Variants in TMCO4 observed in about 807,000 individuals in gnomAD.
TMCO4 encodes transmembrane and coiled-coil domains 4, also known as transmembrane and coiled-coil domain-containing protein 4.
Under a neutral mutation model 64.7 loss-of-function variants are expected in TMCO4, and 58 were observed. The ratio of observed to expected loss-of-function variants is 0.90; its 90% CI spans 0.73 to 1.12. The LOEUF (loss-of-function observed/expected upper bound fraction) is 1.12. Ranked by LOEUF, TMCO4 falls within the 50% of genes most tolerant of loss-of-function variation. The pLI is 0.00. For synonymous variants in TMCO4, 325 were observed against 346.1 expected, an observed-to-expected ratio of 0.94 and a Z score of 0.68; for missense variants, 780 against 825.9, an observed-to-expected ratio of 0.94 and a Z score of 0.68.
intron 15 of TMCO4, among the ~76,000 whole-genome samples, chr1:19,693,264 C>T (rs912784661): frequency 1.3e-5 from 2 of 149,436 alleles, no homozygotes; most frequent in East Asian, 2.0e-4. Context: ...AGGCAGATCA[C>T]CTGAGGTCAG....
intron 7 of TMCO4, among the ~76,000 whole-genome samples, chr1:19,750,641 C>T (rs1415055554): frequency 6.6e-6 from 1 of 152,172 alleles, no homozygotes; most frequent in African/African-American, 2.4e-5. Context: ...GACACTTACG[C>T]CCTCTGTGTC....
In TMCO4 at chr1:19,746,575, G is replaced by A; in HGVS notation, c.638C>T (p.Pro213Leu). The change falls in exon 9 of 16, where the codon CCC becomes CTC. Residue 213 changes from proline to leucine, a missense_variant. Pro to Leu is a moderately conservative substitution (Grantham distance 98). Transcript: ENST00000294543. Reference protein sequence around the residue: ...VIGVTGGLAAPLVAAGAATII... With the variant: ...VIGVTGGLAALLVAAGAATII... ...CGTCGCTGCTCCAGCGGCAACAAGG[G>A]GTGCAGCTAGACCTCCAGTCACACC... The A allele has an allele frequency of 1.2e-6, 2 of 1,610,874 alleles. No individual in the cohort carries two copies. The highest frequency in any genetic ancestry group is 1.7e-6 in the Non-Finnish European group (2 of 1,178,448).
intron 13 of TMCO4, among the ~76,000 whole-genome samples, chr1:19,730,209 T>G (rs2095424777): frequency 6.6e-6 from 1 of 152,216 alleles, no homozygotes; most frequent in Non-Finnish European, 1.5e-5. Context: ...TACTTATGGG[T>G]GAAGGTGCTT....
At position 19,700,853 on chromosome 1, in the gene TMCO4, G is replaced by C; in HGVS notation, c.1297C>G (p.Leu433Val). The C allele has an allele frequency of 6.2e-7, 1 of 1,614,232 alleles. No individual in the cohort carries two copies. Among genetic ancestry groups the C allele is most frequent in the Non-Finnish European group, 8.5e-7 (1 of 1,180,036 alleles). Residue 433 changes from leucine to valine, a missense_variant, in exon 14 of 16, where the codon CTG (leucine) becomes GTG (valine). Physicochemically the swap from Leu to Val is conservative, Grantham distance 32 (BLOSUM62 1). Transcript: ENST00000294543. ...CQGIIEDVIL[L>V]GAPVEGEAKH... Reference sequence around the variant, plus strand: ...GCTTCTCCCTCCACAGGCGCACCCAGCAGGATGACGTCCTCGATGATTCCT... The same window carrying C: ...GCTTCTCCCTCCACAGGCGCACCCACCAGGATGACGTCCTCGATGATTCCT...
intron 7 of TMCO4, among the ~76,000 whole-genome samples, chr1:19,755,246 C>G: frequency 6.6e-6 from 1 of 152,342 alleles, no homozygotes; most frequent in Non-Finnish European, 1.5e-5. Flanking sequence ...CTGGCTCAGC[C>G]TCCCGAGTAG....
At chr1:19,792,327 G>A (rs1461407441) in intron 2 of TMCO4, among the ~76,000 whole-genome samples, 5 of 152,230 alleles carry the variant, frequency 3.3e-5, no homozygotes, top group African/African-American at 1.2e-4. Context: ...GGGATGGACA[G>A]AGGTCCTTCT....
Position 19,700,799 on chromosome 1 carries a change from C to A in TMCO4, c.1351G>T (p.Val451Leu), listed in dbSNP as rs1366885074. ...AKHWEPFRKV[V>L]SGRIINGYCR... ...TAGCCGTTGATGATCCTCCCGGACA[C>A]CACCTTCCGGAAAGGCTCCCAATGC... Residue 451 changes from valine to leucine, a missense_variant, in exon 14 of 16, where the codon GTG becomes TTG. Coordinates refer to ENST00000294543, the MANE Select transcript of TMCO4 (RefSeq NM_181719.7). 6.2e-7 allele frequency: 1 copy of A among 1,614,240 alleles called. No individual in the cohort carries two copies.
chr1:19,765,204 A>C (rs2042679703), intron 6 of TMCO4, among the ~76,000 whole-genome samples: 1 of 152,148 alleles, frequency 6.6e-6, no homozygotes, highest in South Asian at 2.1e-4. Flanking sequence ...CTTACTTTGA[A>C]ATGTAATCCT....
chr1:19,798,348 T>A (rs2044436717), intron 1 of TMCO4, 133 bp from the exon 2 acceptor site: 1 of 152,346 alleles, frequency 6.6e-6, no homozygotes, highest in Non-Finnish European at 1.5e-5. Context: ...TAGAGAGAGA[T>A]GGTTTGAGCC....
intron 3 of TMCO4, among the ~76,000 whole-genome samples, chr1:19,781,492 A>C (rs2043474831): frequency 6.6e-6 from 1 of 151,950 alleles, no homozygotes; most frequent in Admixed American, 6.6e-5. Context: ...ATAGCCAATA[A>C]GTATGAAAAG....
At chr1:19,707,805 G>A (rs1162127532) in intron 13 of TMCO4, among the ~76,000 whole-genome samples, 1 of 152,190 alleles carries the variant, frequency 6.6e-6, no homozygotes, top group Non-Finnish European at 1.5e-5. Flanking sequence ...TTAACAGGAA[G>A]CATGACTGGG....
intron 6 of TMCO4, among the ~76,000 whole-genome samples, chr1:19,760,164 CT>C (rs933274067): frequency 4.9e-4 from 74 of 149,896 alleles, no homozygotes; most frequent in Middle Eastern, 7.0e-3. Flanking sequence ...GTCATATAGT[CT>C]TTTTTTTTTC....
intron 15 of TMCO4, among the ~76,000 whole-genome samples, chr1:19,688,304 A>T (rs544898838): frequency 6.6e-6 from 1 of 152,266 alleles, no homozygotes; most frequent in Non-Finnish European, 1.5e-5. Flanking sequence ...AGCCCCGCAC[A>T]TCGTGGGGTT....
At position 19,746,449 on chromosome 1, in the gene TMCO4, ACCTTACCTGTCAGG is replaced by A; in HGVS notation, c.750_757+6del. On this transcript the variant is annotated splice_donor_variant and splice_donor_5th_base_variant and coding_sequence_variant and intron_variant, in exon 9 of 16. Coordinates refer to ENST00000294543, the MANE Select transcript of TMCO4 (RefSeq NM_181719.7). LOFTEE classifies it high-confidence loss of function. Reference sequence around the variant, plus strand: ...CCTCTGAACCCATCATTCCTTTTGAACCTTACCTGTCAGGCCAGCTCCAGCTGCACCAAACAGCG... The same window carrying A: ...CCTCTGAACCCATCATTCCTTTTGAACCAGCTCCAGCTGCACCAAACAGCG... The A allele has an allele frequency of 1.9e-6, 3 of 1,613,052 alleles. No homozygotes were observed. Among genetic ancestry groups the A allele is most frequent in the Non-Finnish European group, 2.5e-6 (3 of 1,179,620 alleles).
At chr1:19,726,775 A>G (rs1480402160) in intron 13 of TMCO4, among the ~76,000 whole-genome samples, 1 of 152,166 alleles carries the variant, frequency 6.6e-6, no homozygotes, top group East Asian at 1.9e-4. Flanking sequence ...AGGAGGATGA[A>G]GATAAGGAAT....
In TMCO4 at chr1:19,682,972, G is replaced by T; in HGVS notation, c.*68C>A. ...CCTGTACCTCCAGAGCTCCTGGGAG[G>T]AACCCGAGGGTATAAGAGAGAGCTG... is the stretch of plus-strand genomic sequence containing the variant. On this transcript the variant is annotated 3_prime_UTR_variant, in exon 16 of 16. Coordinates refer to ENST00000294543, the MANE Select transcript of TMCO4 (RefSeq NM_181719.7). 6.6e-7 allele frequency: 1 copy of T among 1,511,362 alleles called. No individual in the cohort carries two copies. The highest frequency in any genetic ancestry group is 8.9e-7 in the Non-Finnish European group (1 of 1,129,040). The allele number at this position is 1,511,362 out of a possible 1,614,324, so 93.6% of individuals were successfully genotyped here. A position where few individuals can be genotyped will look rare whatever the true frequency, so the allele number is the denominator to read the frequency against.
chr1:19,700,732 T>C (rs772976732), intron 14 of TMCO4, 36 bp downstream of exon 14: 43 of 1,558,808 alleles, frequency 2.8e-5, no homozygotes, highest in South Asian at 2.4e-4. Flanking sequence ...TCCGTAAGCA[T>C]TGTCACTTCC....
At chr1:19,705,253 C>T (rs1053748929) in intron 13 of TMCO4, among the ~76,000 whole-genome samples, 1 of 152,050 alleles carries the variant, frequency 6.6e-6, no homozygotes, top group African/African-American at 2.4e-5. Context: ...GAGTTTGAGA[C>T]CAGCCTGGCC....
chr1:19,720,005 A>ATTTTTTT (rs56755114), intron 13 of TMCO4, among the ~76,000 whole-genome samples: 2 of 116,954 alleles, frequency 1.7e-5, no homozygotes, highest in African/African-American at 3.3e-5. Context: ...AAGGAAAATA[A>ATTTTTTT]TTTTTTTTTT....
Sources: allele counts gnomAD v4.1 joint callset (sites outside exome capture counted in the v4.1 genomes callset), GRCh38; gene constraint gnomAD v4.1.1; transcripts MANE v1.5; gene names NCBI Gene and HGNC (gene_info 2026-07-23, HGNC 2026-07-21).